STRBP: variants seen among roughly 807,000 people sequenced by gnomAD.
STRBP encodes the protein spermatid perinuclear RNA-binding protein.
STRBP carries 13 observed loss-of-function variants against 80.1 expected under a neutral mutation model. The observed-to-expected ratio is 0.16, with a 90% CI of 0.11 to 0.26. The LOEUF is 0.26. Among genes scored for constraint, STRBP ranks in the 10% least tolerant of loss-of-function variants. STRBP has a pLI of 1.00. For synonymous variants in STRBP, 284 were observed against 291.2 expected (o/e 0.98, Z 0.25); for missense variants, 485 against 815.2 (o/e 0.59, Z 4.93).
intron 2 of STRBP, among the ~76,000 whole-genome samples, chr9:123,236,185 A>T (rs549344844): frequency 2.0e-4 from 30 of 152,364 alleles, no homozygotes; most frequent in Middle Eastern, 3.4e-3. Context: ...CATATAGTAT[A>T]AAGTGGTTTT....
At chr9:123,228,644 C>A (rs2040312928) in intron 2 of STRBP, among the ~76,000 whole-genome samples, 1 of 152,116 alleles carries the variant, frequency 6.6e-6, no homozygotes, top group Non-Finnish European at 1.5e-5. Context: ...TTGTCAAGGG[C>A]ACGTTCAGCT....
At chr9:123,249,536 G>A (rs2040868596) in intron 1 of STRBP, among the ~76,000 whole-genome samples, 2 of 152,166 alleles carry the variant, frequency 1.3e-5, no homozygotes, top group South Asian at 4.2e-4. Context: ...AGACACCAAG[G>A]AGGCTGGAGT....
chr9:123,169,895 T>G lies in STRBP; in HGVS notation c.535+7A>C. Reference sequence around the variant, plus strand: ...ATACATATATATATATATATATACATGTGTACCTCCATCCTTCTTCTCCAA... The same window carrying G: ...ATACATATATATATATATATATACAGGTGTACCTCCATCCTTCTTCTCCAA... On this transcript the variant is annotated splice_region_variant and intron_variant, in intron 6 of 18. Transcript: ENST00000348403. 1 of 1,443,064 alleles carries G rather than the reference T, an allele frequency of 6.9e-7. No individual in the cohort carries two copies. Among genetic ancestry groups the G allele is most frequent in the African/African-American group, 1.4e-5 (1 of 68,966 alleles). The allele number at this position is 1,443,064 out of a possible 1,614,324, so 89.4% of individuals were successfully genotyped here. A position where few individuals can be genotyped will look rare whatever the true frequency, so the allele number is the denominator to read the frequency against.
chr9:123,265,709 G>C (rs867358336), intron 1 of STRBP, among the ~76,000 whole-genome samples: 8 of 152,142 alleles, frequency 5.3e-5, no homozygotes, highest in Non-Finnish European at 1.0e-4. Flanking sequence ...CATGTGTTTG[G>C]CAAGCTGAAG....
chr9:123,252,327 C>T (rs1350363521), intron 1 of STRBP, among the ~76,000 whole-genome samples: 1 of 152,166 alleles, frequency 6.6e-6, no homozygotes, highest in African/African-American at 2.4e-5. Flanking sequence ...TTAGAGACAT[C>T]ACCTCTAACG....
In STRBP at chr9:123,115,182, A is replaced by AG; in HGVS notation, c.*84+746_*84+747insC. 2.1e-6 allele frequency: 1 copy of AG among 468,176 alleles called. No homozygotes were observed. The highest frequency in any genetic ancestry group is 2.4e-5 in the Admixed American group (1 of 42,390). The allele number at this position is 468,176 out of a possible 1,614,324, so 29.0% of individuals were successfully genotyped here. A position where few individuals can be genotyped will look rare whatever the true frequency, so the allele number is the denominator to read the frequency against. The stretch of plus-strand genomic sequence containing the variant: ...CGGGTCCCACAGCAAGGCCCTTCAC[A>AG]CTCCCCAAGTGGGCACACTCTCTCT... On this transcript the variant is annotated intron_variant and NMD_transcript_variant, in intron 3 of 3. Coordinates refer to the STRBP transcript ENST00000471564. This position sits in a 1 kb window ranked among gnomAD's most constrained non-coding sequence, Gnocchi z 5.0.
At chr9:123,134,391 A>G (rs2132316760) in intron 16 of STRBP, among the ~76,000 whole-genome samples, 1 of 151,764 alleles carries the variant, frequency 6.6e-6, no homozygotes, top group Non-Finnish European at 1.5e-5. Flanking sequence ...TACCTCTAGT[A>G]TGAATGGGCA....
intron 1 of STRBP, among the ~76,000 whole-genome samples, chr9:123,247,379 T>C (rs1456528622): frequency 6.6e-6 from 1 of 152,186 alleles, no homozygotes; most frequent in East Asian, 1.9e-4. Flanking sequence ...AAGATTCTCC[T>C]GCCTCAGCCT....
chr9:123,223,450 G>C (rs1346046240), intron 2 of STRBP, among the ~76,000 whole-genome samples: 1 of 152,156 alleles, frequency 6.6e-6, no homozygotes, highest in Non-Finnish European at 1.5e-5. Context: ...TATGAGGTGG[G>C]AGTGAGGGGA....
chr9:123,168,675 C>G (rs2037875249), intron 6 of STRBP, among the ~76,000 whole-genome samples: 1 of 152,204 alleles, frequency 6.6e-6, no homozygotes, highest in South Asian at 2.1e-4. Flanking sequence ...AAAATAGCAA[C>G]AGGGAGTCCC....
At chr9:123,220,853 A>G (rs1351434821) in intron 2 of STRBP, among the ~76,000 whole-genome samples, 1 of 152,204 alleles carries the variant, frequency 6.6e-6, no homozygotes, top group Non-Finnish European at 1.5e-5. Context: ...AGCAGGGTTA[A>G]GTGACTTCCA....
intron 6 of STRBP, 134 bp from the exon 7 acceptor site, chr9:123,161,202 T>C (rs1186257255): frequency 1.5e-6 from 1 of 650,746 alleles, no homozygotes; most frequent in Non-Finnish European, 2.6e-6. Flanking sequence ...AATTTCCTCA[T>C]TTGGCTGTGT....
intron 1 of STRBP, among the ~76,000 whole-genome samples, chr9:123,249,457 T>C (rs1379831972): frequency 1.3e-5 from 2 of 151,604 alleles, no homozygotes; most frequent in African/African-American, 4.9e-5. Context: ...CAGGGCAACA[T>C]AGCAAGACTC....
intron 14 of STRBP, 128 bp downstream of exon 14, chr9:123,139,401 T>C: frequency 1.3e-6 from 1 of 754,404 alleles, no homozygotes. Flanking sequence ...ATAATAATTA[T>C]GTCTGTCTCT....
At chr9:123,256,476 T>A (rs2041033721) in intron 1 of STRBP, among the ~76,000 whole-genome samples, 2 of 152,214 alleles carry the variant, frequency 1.3e-5, no homozygotes, top group African/African-American at 4.8e-5. Context: ...CAGAGGCTAA[T>A]TGATATATAC....
intron 2 of STRBP, among the ~76,000 whole-genome samples, chr9:123,186,018 C>A (rs1373187796): frequency 3.3e-5 from 3 of 89,632 alleles, no homozygotes; most frequent in African/African-American, 1.3e-4. Flanking sequence ...GGCGAAAAAG[C>A]AAGACTCCGT....
At chr9:123,257,720 A>C (rs2041064998) in intron 1 of STRBP, among the ~76,000 whole-genome samples, 1 of 152,118 alleles carries the variant, frequency 6.6e-6, no homozygotes, top group African/African-American at 2.4e-5. Flanking sequence ...CAGCAGACTG[A>C]ATGGGAGGAC....
At chr9:123,113,743 C>T (rs978845997) in intron 3 of STRBP, 1 of 167,134 alleles carries the variant, frequency 6.0e-6, no homozygotes, top group Admixed American at 6.5e-5. Flanking sequence ...TAAGTCATCT[C>T]TATAGTCTAA....
At chr9:123,217,141 C>T (rs532562601) in intron 2 of STRBP, among the ~76,000 whole-genome samples, 2 of 152,116 alleles carry the variant, frequency 1.3e-5, no homozygotes, top group East Asian at 1.9e-4. Context: ...AAACTCAACC[C>T]GAAAGATAAA....
Sources: gnomAD v4.1 joint callset for allele counts (sites outside exome capture counted in the v4.1 genomes callset) on GRCh38, gnomAD v4.1.1 for gene constraint, Gnocchi (gnomAD v3.1) non-coding constraint, MANE v1.5 for transcripts, NCBI Gene and HGNC (gene_info 2026-07-23, HGNC 2026-07-21) for gene names.